Variants in MTUS2 observed in about 807,000 individuals in gnomAD.
The protein encoded by MTUS2 is microtubule associated scaffold protein 2.
A neutral mutation model predicts 114.1 loss-of-function variants in MTUS2; 40 were observed. That is an observed-to-expected ratio of 0.35 (90% CI 0.27 to 0.46). The LOEUF is 0.46. Among genes scored for constraint, MTUS2 ranks in the 20% least tolerant of loss-of-function variants. The pLI, the probability that MTUS2 is intolerant of heterozygous loss-of-function variation, is 1.00. For missense variants in MTUS2, 1,679 were observed against 1,705.4 expected (o/e 0.98, Z 0.27); for synonymous variants, 688 against 672.0 (o/e 1.02, Z -0.37).
At chr13:29,240,339 T>C (rs1896687297) in intron 5 of MTUS2, among the ~76,000 whole-genome samples, 1 of 152,172 alleles carries the variant, frequency 6.6e-6, no homozygotes, top group Non-Finnish European at 1.5e-5. Flanking sequence ...ACAACTGTGG[T>C]CTAATCAGCC....
chr13:28,917,021 T>G (rs1284736471), intron 2 of MTUS2, among the ~76,000 whole-genome samples: 2 of 151,942 alleles, frequency 1.3e-5, no homozygotes, highest in Non-Finnish European at 2.9e-5. Context: ...TCAATTAAAA[T>G]GATTATATGA....
intron 11 of MTUS2, chr13:29,488,254 G>A: frequency 2.0e-6 from 1 of 490,822 alleles, no homozygotes; most frequent in South Asian, 2.2e-5. Flanking sequence ...CCGTCCCCTG[G>A]GGAGCGGTAA....
chr13:28,998,296 C>T (rs182063547), intron 2 of MTUS2, among the ~76,000 whole-genome samples: 1 of 152,120 alleles, frequency 6.6e-6, no homozygotes, highest in East Asian at 1.9e-4. Flanking sequence ...GTGGGTAACC[C>T]GTCTTTTCTC....
intron 5 of MTUS2, among the ~76,000 whole-genome samples, chr13:29,168,307 A>G (rs962438229): frequency 6.6e-6 from 1 of 152,194 alleles, no homozygotes; most frequent in African/African-American, 2.4e-5. Flanking sequence ...ACCTGCTTAG[A>G]AAAGCACCTT....
At chr13:29,188,483 T>G (rs1032726323) in intron 5 of MTUS2, among the ~76,000 whole-genome samples, 2 of 152,168 alleles carry the variant, frequency 1.3e-5, no homozygotes, top group African/African-American at 4.8e-5. Context: ...AAGCACCATA[T>G]TCAAATGTTT....
At chr13:28,887,332 C>T (rs539049166) in intron 2 of MTUS2, among the ~76,000 whole-genome samples, 8 of 152,268 alleles carry the variant, frequency 5.3e-5, no homozygotes, top group African/African-American at 1.7e-4. Context: ...TTTCGGCTCC[C>T]TGGACGCTAC....
At chr13:28,984,485 A>G (rs1001011115) in intron 2 of MTUS2, among the ~76,000 whole-genome samples, 1 of 152,138 alleles carries the variant, frequency 6.6e-6, no homozygotes, top group African/African-American at 2.4e-5. Context: ...CCTGGTCCTT[A>G]AGGTAGAATT....
At chr13:29,484,200 C>T (rs952960682) in intron 10 of MTUS2, 3 of 152,204 alleles carry the variant, frequency 2.0e-5, no homozygotes, top group South Asian at 2.1e-4. Context: ...TCTATGCTTT[C>T]GTAAGGAAAT....
chr13:29,007,587 C>T (rs939516304), intron 2 of MTUS2, among the ~76,000 whole-genome samples: 5 of 152,116 alleles, frequency 3.3e-5, no homozygotes, highest in East Asian at 3.9e-4. Context: ...CTTCTGCCTC[C>T]GCCACTCCTG....
rs181413972 is a variant in MTUS2 at position 28,863,233 on chromosome 13, C to A, written c.-243+23383C>A. Among the ~76,000 whole-genome samples, 136 of 152,290 alleles carry A rather than the reference C, an allele frequency of 8.9e-4. 1 individual carries two copies. The highest frequency in any genetic ancestry group is 3.1e-3 in the African/African-American group (128 of 41,576). On this transcript the variant is annotated intron_variant, in intron 2 of 15. Coordinates refer to ENST00000612955, the MANE Select transcript of MTUS2 (RefSeq NM_001033602.4). ...TCTAGCTTTCCTTGTGTTTCCTAAGCAGTTGGCTTCCAGGGCTCTCAGAAG... is the reference window on the plus strand; with the variant it reads ...TCTAGCTTTCCTTGTGTTTCCTAAGAAGTTGGCTTCCAGGGCTCTCAGAAG...
At chr13:29,453,830 C>T (rs1285728998) in intron 9 of MTUS2, among the ~76,000 whole-genome samples, 2 of 152,074 alleles carry the variant, frequency 1.3e-5, no homozygotes, top group Admixed American at 1.3e-4. Context: ...AAAAGCAGGG[C>T]CGGTGTCTGG....
chr13:28,945,144 T>C (rs1400927461), intron 2 of MTUS2, among the ~76,000 whole-genome samples: 4 of 151,394 alleles, frequency 2.6e-5, no homozygotes, highest in Non-Finnish European at 5.9e-5. Context: ...GTAAAAGACA[T>C]GATTCGTTGT....
In MTUS2 at chr13:29,025,885, C is replaced by G; in HGVS notation, c.1187C>G (p.Pro396Arg). Residue 396 changes from proline to arginine, a missense_variant, in exon 3 of 16, where the codon CCC becomes CGC. Coordinates refer to ENST00000612955, the MANE Select transcript of MTUS2 (RefSeq NM_001033602.4). The part of the protein sequence containing the change: ...PGEQDSLHTT[P>R]KQGSASLGGA... ...GAGCAGGATTCTCTCCACACCACCCCCAAACAGGGCTCTGCTTCCTTAGGA... is the reference window on the plus strand; with the variant it reads ...GAGCAGGATTCTCTCCACACCACCCGCAAACAGGGCTCTGCTTCCTTAGGA... The G allele has an allele frequency of 6.2e-7, 1 of 1,613,378 alleles. No homozygotes were observed. Among genetic ancestry groups the G allele is most frequent in the Non-Finnish European group, 8.5e-7 (1 of 1,179,574 alleles).
At chr13:28,999,721 T>C (rs1885296376) in intron 2 of MTUS2, among the ~76,000 whole-genome samples, 1 of 152,152 alleles carries the variant, frequency 6.6e-6, no homozygotes, top group African/African-American at 2.4e-5. Context: ...TCAGAACTTA[T>C]TCCTCCTAAC....
chr13:28,912,757 G>A (rs1380379588), intron 2 of MTUS2, among the ~76,000 whole-genome samples: 1 of 151,762 alleles, frequency 6.6e-6, no homozygotes, highest in African/African-American at 2.4e-5. Context: ...TGTATTCCTA[G>A]GTATTTTTAT....
chr13:28,948,686 C>T (rs1343768998), intron 2 of MTUS2, among the ~76,000 whole-genome samples: 1 of 152,150 alleles, frequency 6.6e-6, no homozygotes, highest in Non-Finnish European at 1.5e-5. Flanking sequence ...TATTCCAGAG[C>T]ACCGTGATGG....
In MTUS2 at chr13:29,102,923, G is replaced by A. The variant is rs184987416; in HGVS notation, c.2644+1953G>A. On this transcript the variant is annotated intron_variant, in intron 5 of 15. Transcript: ENST00000612955. Reference sequence around the variant, plus strand: ...ATATGGTATATATCTTTCCAACAAAGCTTTCTTCTCCAAGCTTGTTCATTC... The same window carrying A: ...ATATGGTATATATCTTTCCAACAAAACTTTCTTCTCCAAGCTTGTTCATTC... 1.3e-3 allele frequency among the ~76,000 whole-genome samples: 197 copies of A among 152,226 alleles called. 2 individuals carry two copies. Among genetic ancestry groups the A allele is most frequent in the African/African-American group, 4.2e-3 (176 of 41,548 alleles).
At chr13:28,853,094 T>C (rs2138037077) in intron 2 of MTUS2, among the ~76,000 whole-genome samples, 1 of 152,224 alleles carries the variant, frequency 6.6e-6, no homozygotes, top group South Asian at 2.1e-4. Flanking sequence ...TTAAATGTTC[T>C]GTTGTCTTAA....
Position 29,026,206 on chromosome 13 carries a change from C to A in MTUS2, c.1508C>A (p.Thr503Asn), listed in dbSNP as rs1886536673. 1.2e-6 allele frequency: 2 copies of A among 1,613,992 alleles called. No individual in the cohort carries two copies. The highest frequency in any genetic ancestry group is 1.7e-6 in the Non-Finnish European group (2 of 1,179,892). The change falls in exon 3 of 16, where the codon ACC (threonine) becomes AAC (asparagine). Residue 503 changes from threonine (T) to asparagine (N), a missense_variant. Around this residue, in one of 3 missense-constraint regions of MTUS2, gnomAD observed 843 missense variants for 770.8 expected, o/e 1.09. Transcript: ENST00000612955. ...RSEARESKEV[T>N]TSVAENRNLL... ...GAAGCACGGGAAAGCAAAGAGGTCACCACATCTGTTGCTGAAAACAGGAAC... is the reference window on the plus strand; with the variant it reads ...GAAGCACGGGAAAGCAAAGAGGTCAACACATCTGTTGCTGAAAACAGGAAC...
Sources: allele counts gnomAD v4.1 joint callset (sites outside exome capture counted in the v4.1 genomes callset), GRCh38; gene constraint gnomAD v4.1.1; regional missense constraint gnomAD v4.1.1; transcripts MANE v1.5; gene names NCBI Gene and HGNC (gene_info 2026-07-23, HGNC 2026-07-21).